CDH23: variants seen among roughly 807,000 people sequenced by gnomAD.
CDH23 encodes the protein cadherin-23.
A neutral mutation model predicts 317.1 loss-of-function variants in CDH23; 189 were observed. That is an observed-to-expected ratio of 0.60 (90% confidence interval 0.53 to 0.67). The LOEUF (loss-of-function observed/expected upper bound fraction) is 0.67. Ranked by LOEUF, CDH23 falls within the 30% of genes least tolerant of loss-of-function variation. The probability of loss-of-function intolerance (pLI) is 0.00; values close to 1 mark genes in which losing one functional copy is unlikely to be tolerated. For synonymous variants in CDH23, 1,839 were observed against 1,876.8 expected (o/e 0.98, Z 0.52); for missense variants, 4,401 against 4,592.4 (o/e 0.96, Z 1.20).
At chr10:71,487,784 C>A (rs914679662) in intron 3 of CDH23, among the ~76,000 whole-genome samples, 7 of 152,260 alleles carry the variant, frequency 4.6e-5, no homozygotes, top group African/African-American at 1.7e-4. Context: ...TGCCTAGACA[C>A]CCTGGTGAGC....
chr10:71,449,935 C>A (rs1850351443), intron 3 of CDH23, among the ~76,000 whole-genome samples: 1 of 152,234 alleles, frequency 6.6e-6, no homozygotes, highest in South Asian at 2.1e-4. Flanking sequence ...TTTTTGAAGA[C>A]CGTCTACCAG....
intron 9 of CDH23, among the ~76,000 whole-genome samples, chr10:71,578,798 C>T (rs1490752516): frequency 1.3e-5 from 2 of 152,160 alleles, no homozygotes; most frequent in East Asian, 3.9e-4. Context: ...TCTGGGCAGG[C>T]CAGGTTGATG....
intron 10 of CDH23, among the ~76,000 whole-genome samples, chr10:71,615,988 G>T (rs1861165576): frequency 6.6e-6 from 1 of 152,172 alleles, no homozygotes; most frequent in African/African-American, 2.4e-5. Flanking sequence ...CCCATTTCTG[G>T]GGTTCTGTCC....
intron 55 of CDH23, among the ~76,000 whole-genome samples, chr10:71,805,463 C>A (rs1376700229): frequency 6.6e-6 from 1 of 152,184 alleles, no homozygotes; most frequent in Non-Finnish European, 1.5e-5. Context: ...CACTTAGATC[C>A]CCTCTGTCCC....
chr10:71,593,231 G>T (rs1323587552), intron 9 of CDH23, among the ~76,000 whole-genome samples: 1 of 152,184 alleles, frequency 6.6e-6, no homozygotes, highest in African/African-American at 2.4e-5. Flanking sequence ...ACCGAGGAAA[G>T]GATGACTTGT....
rs1379189283 is a variant in CDH23, at chr10:71,798,469, C to T, written c.6945C>T (p.Leu2315=). The T allele has an allele frequency of 1.2e-6, 2 of 1,614,002 alleles. No individual in the cohort carries two copies. Among genetic ancestry groups the T allele is most frequent in the South Asian group, 1.1e-5 (1 of 91,088 alleles). ...AGGGGGCCACCCCTGGGACCACACT[C>T]ATTGCTGTGGCAGCCGTGGACCCTG... ...ILEGATPGTT[L]IAVAAVDPDK... The change falls in exon 50 of 70, where the codon CTC becomes CTT. Residue 2315 remains leucine (L), a synonymous_variant. Transcript: ENST00000224721.
At chr10:71,663,466 C>T (rs143314303) in intron 14 of CDH23, among the ~76,000 whole-genome samples, 79 of 152,362 alleles carry the variant, frequency 5.2e-4, no homozygotes, top group African/African-American at 1.9e-3. Context: ...GAAGCCCTGA[C>T]TGACTCATGG....
chr10:71,401,997 C>A (rs1216951760), intron 1 of CDH23, among the ~76,000 whole-genome samples: 1 of 152,146 alleles, frequency 6.6e-6, no homozygotes, highest in Admixed American at 6.5e-5. Flanking sequence ...AGGTGTCAGC[C>A]AGAAAACTGG....
chr10:71,459,724 C>T (rs886200900), intron 3 of CDH23, among the ~76,000 whole-genome samples: 1 of 152,186 alleles, frequency 6.6e-6, no homozygotes, highest in African/African-American at 2.4e-5. Flanking sequence ...CAGCGGGCAA[C>T]TCTACCTCTC....
At chr10:71,643,649 T>C (rs969817611) in intron 11 of CDH23, among the ~76,000 whole-genome samples, 1 of 152,030 alleles carries the variant, frequency 6.6e-6, no homozygotes, top group African/African-American at 2.4e-5. Flanking sequence ...CACACATGTG[T>C]GCACACTCAC....
At chr10:71,734,444 G>A in intron 33 of CDH23, 103 bp downstream of exon 33, 1 of 1,475,848 alleles carries the variant, frequency 6.8e-7, no homozygotes, top group Non-Finnish European at 9.2e-7. Context: ...GGGCCAGGCA[G>A]CGGGCGAGGG....
Position 71,712,973 on chromosome 10 carries a change from G to A in CDH23, c.3369+160G>A, listed in dbSNP as rs535011434. 5 of 872,732 alleles carry A rather than the reference G, an allele frequency of 5.7e-6. No individual in the cohort carries two copies. In the South Asian group the frequency reaches 5.9e-5, roughly 10 times the overall value. 54.1% of individuals were successfully genotyped at this position (872,732 alleles called of 1,614,324 possible). On this transcript the variant is annotated intron_variant, in intron 28 of 69. Coordinates refer to ENST00000224721, the MANE Select transcript of CDH23 (RefSeq NM_022124.6). ...GGTGCTGTGGGGAAAGGGGGACCCA[G>A]GCCCTCTCCCATCCCAGGGAGTGTG...
intron 11 of CDH23, 38 bp from the exon 12 acceptor site, chr10:71,643,822 TG>T (rs1342224517): frequency 3.9e-6 from 3 of 765,750 alleles, no homozygotes; most frequent in African/African-American, 1.7e-5. Flanking sequence ...TCCTTCTGTC[TG>T]TCTCCATATC....
chr10:71,773,200 T>C (rs1840727001), intron 38 of CDH23, among the ~76,000 whole-genome samples: 1 of 152,192 alleles, frequency 6.6e-6, no homozygotes, highest in Admixed American at 6.5e-5. Context: ...CACTGCACCC[T>C]GCCTAGGGGT....
Position 71,715,818 on chromosome 10 carries a change from T to C in CDH23, c.3369+3005T>C. 3 of 988,630 alleles carry C rather than the reference T, an allele frequency of 3.0e-6. No individual in the cohort carries two copies. In the South Asian group the frequency reaches 6.4e-5, roughly 21 times the overall value. 61.2% of individuals were successfully genotyped at this position (988,630 alleles called of 1,614,324 possible). ...CATGCAAGGAGCTTCGGGGGGTGAG[T>C]GTGTGTCCCAGACTGCTTGGGCCAC... On this transcript the variant is annotated intron_variant, in intron 28 of 69. Transcript: ENST00000224721.
At chr10:71,504,762 T>C (rs1853540349) in intron 3 of CDH23, among the ~76,000 whole-genome samples, 1 of 152,222 alleles carries the variant, frequency 6.6e-6, no homozygotes, top group South Asian at 2.1e-4. Context: ...ATGGGAGCCA[T>C]AAACCAGGCT....
chr10:71,726,093 A>T (rs569857486), intron 30 of CDH23, among the ~76,000 whole-genome samples: 2 of 152,288 alleles, frequency 1.3e-5, no homozygotes, highest in South Asian at 4.1e-4. Context: ...GAATGGCTGA[A>T]AACCTACACA....
intron 9 of CDH23, among the ~76,000 whole-genome samples, chr10:71,614,155 A>C (rs985359060): frequency 6.6e-6 from 1 of 152,214 alleles, no homozygotes; most frequent in Non-Finnish European, 1.5e-5. Context: ...ATCTGTAAAC[A>C]GCCCCTCCCT....
rs762753818 is a variant in CDH23, at chr10:71,695,519, G to A, written c.2391G>A (p.Val797=). ...AGATGACCCCTCCAGACTCTGATGT[G>A]ACCACGGTAGGTGGTGGCAGAGCAG... is the stretch of plus-strand genomic sequence containing the variant. ...LVEMTPPDSD[V]TTVVAVDPDL... is the part of the protein sequence containing the mutation. The change falls in exon 22 of 70, where the codon GTG becomes GTA. Residue 797 remains valine, a synonymous_variant. Coordinates refer to ENST00000224721, the MANE Select transcript of CDH23 (RefSeq NM_022124.6). 1.9e-6 allele frequency: 3 copies of A among 1,606,500 alleles called. No individual in the cohort carries two copies. Among genetic ancestry groups the A allele is most frequent in the Admixed American group, 3.3e-5 (2 of 60,000 alleles).
Sources: gnomAD v4.1 joint callset for allele counts (sites outside exome capture counted in the v4.1 genomes callset) on GRCh38, gnomAD v4.1.1 for gene constraint, MANE v1.5 for transcripts, NCBI Gene and HGNC (gene_info 2026-07-23, HGNC 2026-07-21) for gene names.